The following VPS35L variants were observed in gnomAD, a reference collection of about 807,000 sequenced individuals.
VPS35L encodes VPS35 endosomal protein-sorting factor-like.
Under a neutral mutation model 133.0 loss-of-function variants are expected in VPS35L, and 83 were observed. The ratio of observed to expected loss-of-function variants is 0.62; its 90% CI spans 0.52 to 0.75. The LOEUF is 0.75. Among genes scored for constraint, VPS35L ranks in the 30% least tolerant of loss-of-function variants. The pLI, the probability that VPS35L is intolerant of heterozygous loss-of-function variation, is 0.00. For missense variants in VPS35L, 1,083 were observed against 1,206.8 expected (o/e 0.90, Z 1.52); for synonymous variants, 423 against 449.9 (o/e 0.94, Z 0.76).
rs891908402 is a variant in VPS35L, at chr16:19,675,695, G to A, written c.2361+6396G>A. Among the ~76,000 whole-genome samples, 5 of 151,970 alleles carry A rather than the reference G, an allele frequency of 3.3e-5. 1 individual carries two copies. The highest frequency in any genetic ancestry group is 6.8e-3 in the Middle Eastern group (2 of 294). On this transcript the variant is annotated intron_variant, in intron 27 of 30. Coordinates refer to ENST00000417362, the MANE Select transcript of VPS35L (RefSeq NM_020314.7). The stretch of plus-strand genomic sequence containing the variant: ...CTCCCGAGTAGCTGGAATTACAGGC[G>A]TGTGCCACCATGCCCAGCTAATTTT...
chr16:19,573,921 C>T (rs1971457874), intron 4 of VPS35L, among the ~76,000 whole-genome samples: 1 of 152,130 alleles, frequency 6.6e-6, no homozygotes, highest in African/African-American at 2.4e-5. Context: ...GGGTTTTCCC[C>T]TGGAGCTGGA....
chr16:19,633,073 G>A lies in VPS35L; in HGVS notation c.1555-19G>A. On this transcript the variant is annotated intron_variant, in intron 18 of 30. Coordinates refer to ENST00000417362, the MANE Select transcript of VPS35L (RefSeq NM_020314.7). This position sits in a 1 kb window ranked among gnomAD's most constrained non-coding sequence, Gnocchi z 4.1. ...CCATACAGTGTCTAATTCAGGTTTG[G>A]TTCCTTTTTCCTGCTTAGAAACGAG... 1.2e-6 allele frequency: 2 copies of A among 1,612,636 alleles called. No homozygotes were observed. The highest frequency in any genetic ancestry group is 1.7e-6 in the Non-Finnish European group (2 of 1,178,698).
intron 3 of VPS35L, among the ~76,000 whole-genome samples, chr16:19,570,884 TATA>T (rs1567388909): frequency 4.6e-4 from 43 of 93,592 alleles, no homozygotes; most frequent in Non-Finnish European, 7.8e-4. Context: ...TATATATATA[TATA>T]TATTTTTGAG....
In VPS35L at chr16:19,640,052, A is replaced by G. The variant is rs1359818642; in HGVS notation, c.1736A>G (p.Glu579Gly). 6.2e-7 allele frequency: 1 copy of G among 1,614,072 alleles called. No homozygotes were observed. The highest frequency in any genetic ancestry group is 8.5e-7 in the Non-Finnish European group (1 of 1,180,026). ...FLPFLDMFQK[E>G]SVRVEVCKCI... ...CCGTTTCTGGACATGTTCCAAAAAG[A>G]GAGTGTGCGGGTGGAGGTTTGCAAA... is the stretch of plus-strand genomic sequence containing the variant. Residue 579 changes from glutamate (E) to glycine (G), a missense_variant, in exon 21 of 31, where the codon GAG (glutamate) becomes GGG (glycine). Physicochemically the swap from Glu to Gly is moderately conservative, Grantham distance 98. Coordinates refer to ENST00000417362, the MANE Select transcript of VPS35L (RefSeq NM_020314.7).
chr16:19,580,561 A>C (rs1318291445), intron 6 of VPS35L, among the ~76,000 whole-genome samples: 2 of 152,154 alleles, frequency 1.3e-5, no homozygotes, highest in African/African-American at 4.8e-5. Context: ...CCCAGGGTTA[A>C]GGAGCATTTA....
At chr16:19,636,360 A>G (rs1679888210) in intron 19 of VPS35L, among the ~76,000 whole-genome samples, 2 of 152,114 alleles carry the variant, frequency 1.3e-5, no homozygotes, top group Non-Finnish European at 2.9e-5. Flanking sequence ...AATATTCTTT[A>G]TTTTTGAGCA....
At chr16:19,609,357 C>G (rs1381637718) in intron 11 of VPS35L, among the ~76,000 whole-genome samples, 2 of 152,152 alleles carry the variant, frequency 1.3e-5, no homozygotes, top group East Asian at 3.9e-4. Flanking sequence ...CTCTGGCTCC[C>G]TCTCCTGGGA....
chr16:19,581,160 G>A (rs1971697151), intron 6 of VPS35L, among the ~76,000 whole-genome samples: 1 of 152,092 alleles, frequency 6.6e-6, no homozygotes, highest in Admixed American at 6.6e-5. Flanking sequence ...CCCATGTCCT[G>A]CACACAGGGG....
intron 1 of VPS35L, among the ~76,000 whole-genome samples, chr16:19,559,356 C>T (rs543111185): frequency 6.6e-6 from 1 of 152,288 alleles, no homozygotes; most frequent in African/African-American, 2.4e-5. Context: ...AAGGGCTAAG[C>T]CCAGCCAATA....
chr16:19,627,340 A>G (rs753836751), intron 15 of VPS35L, among the ~76,000 whole-genome samples: 2 of 152,116 alleles, frequency 1.3e-5, no homozygotes, highest in Non-Finnish European at 2.9e-5. Flanking sequence ...ATATATTTAC[A>G]ACATGGATCA....
intron 27 of VPS35L, among the ~76,000 whole-genome samples, chr16:19,673,868 A>G (rs944789376): frequency 1.3e-5 from 2 of 152,160 alleles, no homozygotes; most frequent in Non-Finnish European, 2.9e-5. Context: ...TATAAGTAGC[A>G]GAGCTGGGAT....
At chr16:19,593,975 G>A (rs1246980390) in intron 8 of VPS35L, among the ~76,000 whole-genome samples, 1 of 151,912 alleles carries the variant, frequency 6.6e-6, no homozygotes, top group Non-Finnish European at 1.5e-5. Context: ...GTGCATTCTC[G>A]AGCTTCACAA....
At chr16:19,606,398 T>A (rs57291527) in intron 9 of VPS35L, among the ~76,000 whole-genome samples, 3 of 152,226 alleles carry the variant, frequency 2.0e-5, no homozygotes, top group African/African-American at 7.2e-5. Context: ...CTCTTGAAAG[T>A]AGAAAAAAAA....
rs1976042656 is a variant in VPS35L, at chr16:19,699,629, G to A, written c.2774G>A (p.Cys925Tyr). The change falls in exon 30 of 31, where the codon TGT becomes TAT. Residue 925 changes from cysteine to tyrosine, a missense_variant. Transcript: ENST00000417362. This position sits in a 1 kb window ranked among gnomAD's most constrained non-coding sequence, Gnocchi z 4.2. ...NLWHLAQRHGCADTRTMVKTL... is the reference protein window; with the variant it reads ...NLWHLAQRHGYADTRTMVKTL... ...TGGCACCTGGCACAGAGGCACGGCTGTGCAGACACCAGGACCATGGTGAGG... is the reference window on the plus strand; with the variant it reads ...TGGCACCTGGCACAGAGGCACGGCTATGCAGACACCAGGACCATGGTGAGG... 2 of 1,613,780 alleles carry A rather than the reference G, an allele frequency of 1.2e-6. No individual in the cohort carries two copies. The highest frequency in any genetic ancestry group is 1.7e-6 in the Non-Finnish European group (2 of 1,180,038).
chr16:19,604,478 A>G (rs1972483200), intron 9 of VPS35L, among the ~76,000 whole-genome samples: 1 of 152,230 alleles, frequency 6.6e-6, no homozygotes, highest in Admixed American at 6.5e-5. Context: ...ATCTTGAGCA[A>G]AGCAAATGAT....
intron 6 of VPS35L, among the ~76,000 whole-genome samples, chr16:19,580,176 C>T (rs1249837100): frequency 2.0e-5 from 3 of 151,766 alleles, no homozygotes; most frequent in Non-Finnish European, 2.9e-5. Flanking sequence ...TGCAGTGGTG[C>T]GATCTCAGCT....
chr16:19,663,433 C>T (rs984237794), intron 26 of VPS35L, among the ~76,000 whole-genome samples: 9 of 152,106 alleles, frequency 5.9e-5, no homozygotes, highest in African/African-American at 2.2e-4. Flanking sequence ...CCTTTCTATG[C>T]ATCTACATAA....
intron 15 of VPS35L, 66 bp from the exon 16 acceptor site, chr16:19,627,628 A>G (rs1488306075): frequency 8.1e-7 from 1 of 1,237,210 alleles, no homozygotes; most frequent in South Asian, 1.2e-5. Flanking sequence ...GGCAATATAT[A>G]TTCAAAAATT....
chr16:19,686,955 C>T (rs1567488462), intron 28 of VPS35L, among the ~76,000 whole-genome samples: 2 of 152,140 alleles, frequency 1.3e-5, no homozygotes, highest in African/African-American at 2.4e-5. Context: ...GAGCCAAGAT[C>T]GTGCCACTGA....
Sources: gnomAD v4.1 joint callset for allele counts (sites outside exome capture counted in the v4.1 genomes callset) on GRCh38, gnomAD v4.1.1 for gene constraint, Gnocchi (gnomAD v3.1) non-coding constraint, MANE v1.5 for transcripts, NCBI Gene and HGNC (gene_info 2026-07-23, HGNC 2026-07-21) for gene names.